Variants in SPACA7 observed in about 807,000 individuals in gnomAD.
SPACA7 encodes the protein sperm acrosome-associated protein 7.
A neutral mutation model predicts 26.3 loss-of-function variants in SPACA7; 19 were observed. The ratio of observed to expected loss-of-function variants is 0.72; its 90% CI spans 0.50 to 1.06. The LOEUF (loss-of-function observed/expected upper bound fraction) is 1.06, where lower values mean the gene tolerates loss of function less well. Ranked by LOEUF, SPACA7 falls within the 50% of genes least tolerant of loss-of-function variation. The pLI is 0.00. For missense variants in SPACA7, 211 were observed against 229.9 expected (o/e 0.92, Z 0.53); for synonymous variants, 84 against 84.5 (o/e 0.99, Z 0.04).
intron 5 of SPACA7, among the ~76,000 whole-genome samples, chr13:112,428,431 T>C (rs1164151340): frequency 6.6e-6 from 1 of 152,066 alleles, no homozygotes; most frequent in African/African-American, 2.4e-5. Flanking sequence ...AATACAAAAA[T>C]TAGCTGGGCT....
intron 1 of SPACA7, among the ~76,000 whole-genome samples, chr13:112,383,311 A>T (rs1391179603): frequency 6.6e-6 from 1 of 152,140 alleles, no homozygotes; most frequent in Non-Finnish European, 1.5e-5. Flanking sequence ...GCCCAAAAAA[A>T]CCTTAAGAAG....
Position 112,393,051 on chromosome 13 carries a change from A to T in SPACA7, c.125A>T (p.Lys42Ile). 1.2e-6 allele frequency: 2 copies of T among 1,613,054 alleles called. No homozygotes were observed. Among genetic ancestry groups the T allele is most frequent in the Non-Finnish European group, 1.7e-6 (2 of 1,179,328 alleles). ...CCTACTGAAATACCATTCAGTTCAA[A>T]ACAGGAGGATATGTCTGAATTATTA... is the stretch of plus-strand genomic sequence containing the variant. Reference protein sequence around the residue: ...GSPTEIPFSSKQEDMSELLDE... With the variant: ...GSPTEIPFSSIQEDMSELLDE... The change falls in exon 2 of 7, where the codon AAA becomes ATA. Residue 42 changes from lysine to isoleucine, a missense_variant. Lys to Ile is a moderately radical substitution (Grantham distance 102). Coordinates refer to ENST00000283550, the MANE Select transcript of SPACA7 (RefSeq NM_145248.5).
intron 5 of SPACA7, among the ~76,000 whole-genome samples, chr13:112,406,621 C>G (rs1488709701): frequency 6.6e-6 from 1 of 151,994 alleles, no homozygotes; most frequent in African/African-American, 2.4e-5. Flanking sequence ...TCATTATCAC[C>G]AATTATTAGG....
chr13:112,423,951 C>A (rs755117085), intron 5 of SPACA7, among the ~76,000 whole-genome samples: 14 of 152,180 alleles, frequency 9.2e-5, no homozygotes, highest in Non-Finnish European at 1.8e-4. Context: ...ATTCCATACC[C>A]AGCTGAAGTA....
At chr13:112,399,209 C>T in intron 4 of SPACA7, 36 bp downstream of exon 4, 1 of 1,113,044 alleles carries the variant, frequency 9.0e-7, no homozygotes, top group Non-Finnish European at 1.4e-6. Context: ...TTCCCAAGTC[C>T]AGCTGTAATG....
Position 112,378,553 on chromosome 13 carries a change from C to T in SPACA7, c.94+2074C>T, listed in dbSNP as rs1402460261. The T allele has an allele frequency of 4.6e-5, 17 of 371,742 alleles. No homozygotes were observed. The East Asian group carries it at 1.1e-3, about 23-fold the overall frequency. The allele number at this position is 371,742 out of a possible 1,614,324, so 23.0% of individuals were successfully genotyped here. A position where few individuals can be genotyped will look rare whatever the true frequency, so the allele number is the denominator to read the frequency against. ...AATCTCAGATTAGATTTTTTAAAAG[C>T]TTTTTGAGGCTAGGAAGCCCAGCCA... is the stretch of plus-strand genomic sequence containing the variant. On this transcript the variant is annotated intron_variant, in intron 1 of 6. Transcript: ENST00000283550.
At chr13:112,422,255 A>G (rs1305037754) in intron 5 of SPACA7, among the ~76,000 whole-genome samples, 2 of 152,188 alleles carry the variant, frequency 1.3e-5, no homozygotes, top group African/African-American at 4.8e-5. Context: ...AAACTCAAAT[A>G]TCTATGCACT....
At chr13:112,382,640 A>G (rs1030188984) in intron 1 of SPACA7, 1 of 1,214,370 alleles carries the variant, frequency 8.2e-7, no homozygotes, top group Non-Finnish European at 1.1e-6. Context: ...TAAACAGCAT[A>G]CTATAGGTAA....
At chr13:112,411,439 G>A (rs1352795888) in intron 5 of SPACA7, among the ~76,000 whole-genome samples, 2 of 152,074 alleles carry the variant, frequency 1.3e-5, no homozygotes, top group African/African-American at 4.8e-5. Context: ...TCTTTGGGTT[G>A]AGAACATTCC....
At chr13:112,406,260 C>A (rs1258530875) in intron 5 of SPACA7, among the ~76,000 whole-genome samples, 1 of 152,158 alleles carries the variant, frequency 6.6e-6, no homozygotes, top group East Asian at 1.9e-4. Context: ...CTTTCTGCCT[C>A]CCTCCAGGCT....
chr13:112,386,695 A>G (rs932052474), intron 1 of SPACA7, among the ~76,000 whole-genome samples: 35 of 152,210 alleles, frequency 2.3e-4, no homozygotes, highest in Non-Finnish European at 1.0e-4. Context: ...AAGAAGAGAA[A>G]AACATAAAGG....
chr13:112,404,861 G>A (rs60096446), intron 5 of SPACA7, among the ~76,000 whole-genome samples: 33,355 of 151,718 alleles, frequency 0.22, 3,836 homozygotes, highest in South Asian at 0.37. Context: ...GATGCCTCCA[G>A]ATTTGTTCTT....
intron 5 of SPACA7, among the ~76,000 whole-genome samples, chr13:112,404,410 C>G (rs1456321790): frequency 6.6e-6 from 1 of 152,184 alleles, no homozygotes; most frequent in East Asian, 1.9e-4. Flanking sequence ...TGTGCAGAAG[C>G]TTTTTCATTT....
chr13:112,380,190 G>A (rs1047084407), intron 1 of SPACA7, among the ~76,000 whole-genome samples: 10 of 152,002 alleles, frequency 6.6e-5, no homozygotes, highest in South Asian at 2.1e-4. Flanking sequence ...CAACATGGGC[G>A]GATAATCTGA....
rs1427942611 is a variant in SPACA7 at position 112,400,921 on chromosome 13, A to G, written c.350-148A>G. ...ATGAGGCCTGGCTCTGTATTCACAT[A>G]TTGAGTTTCCAAAACATATTTTCAA... On this transcript the variant is annotated intron_variant, in intron 4 of 6. Coordinates refer to ENST00000283550, the MANE Select transcript of SPACA7 (RefSeq NM_145248.5). 3 of 643,214 alleles carry G rather than the reference A, an allele frequency of 4.7e-6. No individual in the cohort carries two copies. The African/African-American group carries it at 5.5e-5, about 12-fold the overall frequency. 39.8% of individuals were successfully genotyped at this position (643,214 alleles called of 1,614,324 possible). A position where few individuals can be genotyped will look rare whatever the true frequency, so the allele number is the denominator to read the frequency against.
chr13:112,415,976 T>C (rs1886665963), intron 5 of SPACA7, among the ~76,000 whole-genome samples: 1 of 151,888 alleles, frequency 6.6e-6, no homozygotes, highest in Non-Finnish European at 1.5e-5. Context: ...TGAGCTCCAA[T>C]GCAAGGTCCC....
intron 5 of SPACA7, among the ~76,000 whole-genome samples, chr13:112,427,110 A>T (rs1476178898): frequency 1.3e-5 from 2 of 152,116 alleles, no homozygotes; most frequent in Non-Finnish European, 2.9e-5. Context: ...TTCTGAGAAA[A>T]GTTTTTTCTG....
At chr13:112,431,702 G>A (rs958099055) in intron 5 of SPACA7, among the ~76,000 whole-genome samples, 4 of 152,206 alleles carry the variant, frequency 2.6e-5, no homozygotes, top group Non-Finnish European at 4.4e-5. Context: ...GCACCTGCAC[G>A]GAGTTTTGGG....
At chr13:112,386,389 TCAGATGACACAATGCAAAACAGAA>T (rs1223572841) in intron 1 of SPACA7, among the ~76,000 whole-genome samples, 1 of 152,228 alleles carries the variant, frequency 6.6e-6, no homozygotes, top group African/African-American at 2.4e-5. Flanking sequence ...CTCAAAACTG[TCAGATGACACAATGCAAAACAGAA>T]CATAGCCTTT....
Sources: gnomAD v4.1 joint callset for allele counts (sites outside exome capture counted in the v4.1 genomes callset) on GRCh38, gnomAD v4.1.1 for gene constraint, MANE v1.5 for transcripts, NCBI Gene and HGNC (gene_info 2026-07-23, HGNC 2026-07-21) for gene names.